LEKR1: variants seen among roughly 807,000 people sequenced by gnomAD.
LEKR1 encodes the protein protein LEKR1.
Under a neutral mutation model 72.4 loss-of-function variants are expected in LEKR1, and 59 were observed. That is an observed-to-expected ratio of 0.82 (90% CI 0.66 to 1.01). The LOEUF (loss-of-function observed/expected upper bound fraction) is 1.01, where lower values mean the gene tolerates loss of function less well. Ranked by LOEUF, LEKR1 falls within the 50% of genes least tolerant of loss-of-function variation. The probability of loss-of-function intolerance (pLI) is 0.00; values close to 1 mark genes in which losing one functional copy is unlikely to be tolerated. For missense variants in LEKR1, 728 were observed against 759.2 expected (o/e 0.96, Z 0.48); for synonymous variants, 257 against 263.2 (o/e 0.98, Z 0.23).
At chr3:157,018,961 T>C (rs1344872922) in intron 10 of LEKR1, among the ~76,000 whole-genome samples, 2 of 152,196 alleles carry the variant, frequency 1.3e-5, no homozygotes, top group Non-Finnish European at 2.9e-5. Context: ...TTAGCATTCA[T>C]TTTTTAACTG....
At chr3:157,033,921 C>T (rs887931888) in intron 12 of LEKR1, among the ~76,000 whole-genome samples, 8 of 152,118 alleles carry the variant, frequency 5.3e-5, no homozygotes, top group African/African-American at 1.9e-4. Context: ...AATCCTAACA[C>T]CCTTAAGAAT....
chr3:156,992,970 CAGTTAT>C, intron 8 of LEKR1, 98 bp from the exon 9 acceptor site: 1 of 592,178 alleles, frequency 1.7e-6, no homozygotes. Flanking sequence ...TTTAAAGTTA[CAGTTAT>C]AATCTATAAT....
chr3:157,029,606 G>T (rs545471232), intron 12 of LEKR1, among the ~76,000 whole-genome samples: 1 of 152,230 alleles, frequency 6.6e-6, no homozygotes, highest in Non-Finnish European at 1.5e-5. Flanking sequence ...AAGACAAAAA[G>T]ATGATTAAGT....
In LEKR1 at chr3:157,021,438, T is replaced by C. The variant is rs926987444; in HGVS notation, c.1204-3322T>C. ...GTCTAACATTTAAGTCTTTAATCCA[T>C]CTTGAATTAATTTTTGTATAAGGTG... On this transcript the variant is annotated intron_variant, in intron 10 of 12. Coordinates refer to ENST00000356539, the MANE Select transcript of LEKR1 (RefSeq NM_001004316.3). Among the ~76,000 whole-genome samples the C allele has an allele frequency of 1.6e-4, 25 of 152,186 alleles. 2 individuals are homozygous for C. The highest frequency in any genetic ancestry group is 1.4e-3 in the Admixed American group (21 of 15,278).
intron 2 of LEKR1, among the ~76,000 whole-genome samples, chr3:156,845,130 G>A (rs1211866754): frequency 6.6e-6 from 1 of 151,838 alleles, no homozygotes; most frequent in South Asian, 2.1e-4. Context: ...TGCTTATTTG[G>A]CATCTGAATA....
At chr3:156,974,052 G>A (rs147271460) in intron 6 of LEKR1, among the ~76,000 whole-genome samples, 26 of 152,202 alleles carry the variant, frequency 1.7e-4, no homozygotes, top group African/African-American at 6.0e-4. Flanking sequence ...TGTCCTATAA[G>A]TACACAACAA....
At chr3:156,871,086 C>G (rs557914104) in intron 3 of LEKR1, among the ~76,000 whole-genome samples, 1 of 152,030 alleles carries the variant, frequency 6.6e-6, no homozygotes, top group Non-Finnish European at 1.5e-5. Context: ...AGGTATATAT[C>G]CCAATGCTAT....
chr3:156,860,772 T>C (rs763386053), intron 3 of LEKR1, among the ~76,000 whole-genome samples: 23 of 152,162 alleles, frequency 1.5e-4, no homozygotes, highest in Non-Finnish European at 3.2e-4. Flanking sequence ...GTTTATTTCT[T>C]GAAGGAAGAA....
chr3:156,854,287 C>G (rs62275161), intron 3 of LEKR1, among the ~76,000 whole-genome samples: 4,827 of 151,640 alleles, frequency 0.032, 115 homozygotes, highest in Non-Finnish European at 0.048. Flanking sequence ...GGGATTACAG[C>G]TACACACCAC....
chr3:157,045,053 A>T (rs1735652962), intron 12 of LEKR1, among the ~76,000 whole-genome samples: 1 of 152,202 alleles, frequency 6.6e-6, no homozygotes, highest in Non-Finnish European at 1.5e-5. Context: ...CTCCAGCCGC[A>T]CCACTAACAT....
In LEKR1 at chr3:156,919,474, A is replaced by C. The variant is rs181551013; in HGVS notation, c.264-1101A>C. Among the ~76,000 whole-genome samples the C allele has an allele frequency of 2.3e-4, 35 of 152,296 alleles. 1 individual carries two copies. In the East Asian group the frequency reaches 2.7e-3, roughly 12 times the overall value. ...TATTCCTCTGCTGAATTGTGCAGTG[A>C]CTGGTCTCACCCAAGACTTTCATGT... On this transcript the variant is annotated intron_variant, in intron 3 of 12. Coordinates refer to ENST00000356539, the MANE Select transcript of LEKR1 (RefSeq NM_001004316.3).
intron 11 of LEKR1, 127 bp downstream of exon 11, chr3:157,025,051 T>G: frequency 1.6e-6 from 1 of 620,632 alleles, no homozygotes; most frequent in Non-Finnish European, 2.7e-6. Flanking sequence ...TGTCTTGGTT[T>G]TAGCTATGCA....
chr3:156,881,892 C>A (rs1157421301), intron 3 of LEKR1, among the ~76,000 whole-genome samples: 86 of 147,208 alleles, frequency 5.8e-4, no homozygotes, highest in Non-Finnish European at 7.2e-4. Flanking sequence ...CAAAAACAAG[C>A]AATGGGGAAA....
intron 7 of LEKR1, among the ~76,000 whole-genome samples, chr3:156,982,505 A>G (rs1040756405): frequency 1.4e-4 from 21 of 152,188 alleles, no homozygotes; most frequent in Non-Finnish European, 2.6e-4. Context: ...ACCACTGGCA[A>G]GGGGAACAGG....
At chr3:157,026,925 T>C (rs1204995069) in intron 11 of LEKR1, among the ~76,000 whole-genome samples, 1 of 152,216 alleles carries the variant, frequency 6.6e-6, no homozygotes, top group East Asian at 1.9e-4. Flanking sequence ...AGTTATTCTC[T>C]CATTCATTTA....
chr3:156,920,743 T>A (rs1724117096), intron 4 of LEKR1, 49 bp downstream of exon 4: 8 of 1,046,744 alleles, frequency 7.6e-6, no homozygotes, highest in Non-Finnish European at 1.1e-5. Flanking sequence ...ATATGCTTAA[T>A]ACTAACTTTG....
intron 6 of LEKR1, among the ~76,000 whole-genome samples, chr3:156,978,792 C>T (rs1729924420): frequency 6.6e-6 from 1 of 152,148 alleles, no homozygotes; most frequent in South Asian, 2.1e-4. Flanking sequence ...GAAGACTCAG[C>T]CATGCTTCAC....
At chr3:156,920,806 GA>G (rs1724124425) in intron 4 of LEKR1, 112 bp downstream of exon 4, 1 of 592,874 alleles carries the variant, frequency 1.7e-6, no homozygotes, top group Non-Finnish European at 2.8e-6. Flanking sequence ...GTGTGATTGA[GA>G]AAAGTGAAAC....
chr3:156,865,600 T>C (rs1444391281), intron 3 of LEKR1, among the ~76,000 whole-genome samples: 1 of 42,666 alleles, frequency 2.3e-5, no homozygotes, highest in Non-Finnish European at 4.4e-5. Flanking sequence ...CCCTCTATCA[T>C]CTCCCTCTAT....
Sources: gnomAD v4.1 joint callset for allele counts (sites outside exome capture counted in the v4.1 genomes callset) on GRCh38, gnomAD v4.1.1 for gene constraint, MANE v1.5 for transcripts, NCBI Gene and HGNC (gene_info 2026-07-23, HGNC 2026-07-21) for gene names.